Variants in ITGA5 observed in about 807,000 individuals in gnomAD.
ITGA5 encodes integrin alpha-5.
In ITGA5, 55 loss-of-function variants were observed where a neutral mutation model predicts 146.3. That is an observed-to-expected ratio of 0.38 (90% CI 0.30 to 0.47). The LOEUF (loss-of-function observed/expected upper bound fraction) is 0.47. Among genes scored for constraint, ITGA5 ranks in the 20% least tolerant of loss-of-function variants. The pLI is 0.99. For missense variants in ITGA5, 1,131 were observed against 1,329.0 expected, an observed-to-expected ratio of 0.85 and a Z score of 2.32; for synonymous variants, 500 against 531.8, an observed-to-expected ratio of 0.94 and a Z score of 0.82.
Position 54,411,824 on chromosome 12 carries a change from AC to A in ITGA5, c.349+9del. The A allele has an allele frequency of 3.4e-6, 5 of 1,473,558 alleles. No individual in the cohort carries two copies. Among genetic ancestry groups the A allele is most frequent in the Admixed American group, 2.3e-5 (1 of 43,420 alleles). The allele number at this position is 1,473,558 out of a possible 1,614,324, so 91.3% of individuals were successfully genotyped here. On this transcript the variant is annotated intron_variant, in intron 2 of 29. Transcript: ENST00000293379. The stretch of plus-strand genomic sequence containing the variant: ...ACCCCCCAGTCCCTCCCTGAATTTC[AC>A]TGGCCTACCTTTGCTGTCAAATTCA...
chr12:54,407,216 T>C (rs1330498825), intron 9 of ITGA5, among the ~76,000 whole-genome samples: 1 of 152,232 alleles, frequency 6.6e-6, no homozygotes, highest in Non-Finnish European at 1.5e-5. Context: ...TGATACCTTA[T>C]TCATCTTATC....
At position 54,403,351 on chromosome 12, in the gene ITGA5, A is replaced by T; in HGVS notation, c.1777-27T>A. 1.3e-6 allele frequency: 2 copies of T among 1,504,948 alleles called. No homozygotes were observed. The highest frequency in any genetic ancestry group is 1.8e-6 in the Non-Finnish European group (2 of 1,126,968). The allele number at this position is 1,504,948 out of a possible 1,614,324, so 93.2% of individuals were successfully genotyped here. A position where few individuals can be genotyped will look rare whatever the true frequency, so the allele number is the denominator to read the frequency against. ...TGGGGCCAGAGGAGAGAGTTCACGG[A>T]GTCAGGGGACTCTGGAGACTTAGTG... On this transcript the variant is annotated intron_variant, in intron 17 of 29. Coordinates refer to ENST00000293379, the MANE Select transcript of ITGA5 (RefSeq NM_002205.5). This position sits in a 1 kb window ranked among gnomAD's most constrained non-coding sequence, Gnocchi z 4.9.
intron 29 of ITGA5, among the ~76,000 whole-genome samples, chr12:54,397,042 T>C (rs959126316): frequency 6.6e-6 from 1 of 152,126 alleles, no homozygotes. Context: ...TCAGTAGCCA[T>C]TTCTAGGTTA....
rs557695785 is a variant in ITGA5, at chr12:54,414,777, G to A, written c.219-2813C>T. Among the ~76,000 whole-genome samples the A allele has an allele frequency of 5.0e-4, 75 of 150,812 alleles. 1 individual carries two copies. Among genetic ancestry groups the A allele is most frequent in the Non-Finnish European group, 2.4e-4 (16 of 67,892 alleles). ...CAGGAGAATGGCATGAACCTGGGAG[G>A]CGGAGCTTGCAGGGAGCCGAGATCA... On this transcript the variant is annotated intron_variant, in intron 1 of 29. Transcript: ENST00000293379.
At position 54,401,671 on chromosome 12, in the gene ITGA5, G is replaced by T; in HGVS notation, c.2307-6C>A. ...GCGAGTTGTTGAGATTCTTGCTGTG[G>T]GATGGAGGCAAGACTGAGGTGCTGG... On this transcript the variant is annotated splice_polypyrimidine_tract_variant and splice_region_variant and intron_variant, in intron 22 of 29. Transcript: ENST00000293379. The surrounding 1 kb of genome is among the most constrained non-coding windows in gnomAD (Gnocchi z 5.0). The T allele has an allele frequency of 6.2e-7, 1 of 1,614,124 alleles. No individual in the cohort carries two copies. The highest frequency in any genetic ancestry group is 1.1e-5 in the South Asian group (1 of 91,088).
At chr12:54,417,329 C>T (rs940354563) in intron 1 of ITGA5, among the ~76,000 whole-genome samples, 10 of 152,014 alleles carry the variant, frequency 6.6e-5, no homozygotes, top group Middle Eastern at 3.4e-3. Context: ...CTCTGATCTG[C>T]GGGAGGAGAC....
At position 54,400,957 on chromosome 12, in the gene ITGA5, C is replaced by A; in HGVS notation, c.2532G>T (p.Val844=). The change falls in exon 25 of 30, where the codon GTG becomes GTT. Residue 844 remains valine, a synonymous_variant. Transcript: ENST00000293379. ...NQGPSSISQG[V]LELSCPQALE... is the part of the protein sequence containing the mutation. ...GAGCCTGGGGACAGCTGAGTTCCAG[C>A]ACACCCTGGCTAATGGAGCTGGGGC... 6.2e-7 allele frequency: 1 copy of A among 1,613,934 alleles called. No homozygotes were observed. The highest frequency in any genetic ancestry group is 8.5e-7 in the Non-Finnish European group (1 of 1,179,926).
chr12:54,399,999 C>T (rs370039100), intron 25 of ITGA5, 52 bp from the exon 26 acceptor site: 352 of 1,314,022 alleles, frequency 2.7e-4, no homozygotes, highest in Middle Eastern at 1.8e-3. Context: ...GCTTCTAAGT[C>T]AGCTTGCACC....
chr12:54,402,062 G>A lies in ITGA5; in HGVS notation c.2165C>T (p.Ala722Val), dbSNP rs1172389465. 1 of 1,614,186 alleles carries A rather than the reference G, an allele frequency of 6.2e-7. No individual in the cohort carries two copies. Among genetic ancestry groups the A allele is most frequent in the Non-Finnish European group, 8.5e-7 (1 of 1,180,040 alleles). ...CACCAGCAGGCGGCTCTGGTTCACG[G>A]CAAAGTAGTCACAGCTCAGGCTGGA... ...NFSSLSCDYF[A>V]VNQSRLLVCD... The change falls in exon 21 of 30, where the codon GCC becomes GTC. Residue 722 changes from alanine (A) to valine (V), a missense_variant. By Grantham distance (64) the Ala-to-Val change is moderately conservative. Around this residue, in one of 3 missense-constraint regions of ITGA5, gnomAD observed 889 missense variants for 1,021.5 expected, o/e 0.87. Transcript: ENST00000293379.
At chr12:54,400,817 C>T (rs1955775707) in intron 25 of ITGA5, 29 bp downstream of exon 25, 1 of 1,608,594 alleles carries the variant, frequency 6.2e-7, no homozygotes, top group Non-Finnish European at 8.5e-7. Flanking sequence ...ATCTGCTCCT[C>T]TTCCCCATGC....
Position 54,403,074 on chromosome 12 carries a change from AG to A in ITGA5, c.1915-25del. On this transcript the variant is annotated intron_variant, in intron 18 of 29. Transcript: ENST00000293379. The surrounding 1 kb of genome is among the most constrained non-coding windows in gnomAD (Gnocchi z 4.9). ...GCCTGGGGAGCAGGGCAGCCTTGAG[AG>A]GGGAAGTTTAGACCCATTCCTGGGC... 6.2e-7 allele frequency: 1 copy of A among 1,613,896 alleles called. No individual in the cohort carries two copies. Among genetic ancestry groups the A allele is most frequent in the Middle Eastern group, 1.7e-4 (1 of 6,060 alleles).
rs779041108 is a variant in ITGA5, at chr12:54,405,635, T to C, written c.1016+29A>G. 4.4e-6 allele frequency: 7 copies of C among 1,592,852 alleles called. No homozygotes were observed. The Admixed American group carries it at 8.4e-5, about 19-fold the overall frequency. On this transcript the variant is annotated intron_variant, in intron 11 of 29. Coordinates refer to ENST00000293379, the MANE Select transcript of ITGA5 (RefSeq NM_002205.5). Reference sequence around the variant, plus strand: ...CTTCCCTCTTGGTTCTGGGAGGGTATCACAGTGCGCTCATTTCCCACCACT... The same window carrying C: ...CTTCCCTCTTGGTTCTGGGAGGGTACCACAGTGCGCTCATTTCCCACCACT...
Position 54,403,208 on chromosome 12 carries a change from G to A in ITGA5, c.1893C>T (p.Ser631=). ...HGLRPALHYQ[S]KSRIEDKAQI... ...TCACCTTGTCCTCTATCCGGCTCTT[G>A]CTCTGATAATGTAGGGCTGGCCTGA... Residue 631 remains serine (S), a synonymous_variant, in exon 18 of 30, where the codon AGC becomes AGT. Coordinates refer to ENST00000293379, the MANE Select transcript of ITGA5 (RefSeq NM_002205.5). The surrounding 1 kb of genome is among the most constrained non-coding windows in gnomAD (Gnocchi z 4.9). 1 of 1,561,138 alleles carries A rather than the reference G, an allele frequency of 6.4e-7. No individual in the cohort carries two copies. The highest frequency in any genetic ancestry group is 8.7e-7 in the Non-Finnish European group (1 of 1,155,060).
intron 28 of ITGA5, among the ~76,000 whole-genome samples, chr12:54,398,041 A>T (rs1473018163): frequency 3.3e-5 from 5 of 151,774 alleles, no homozygotes. Context: ...GGGACCACAG[A>T]TATGCGCCAC....
rs1359509154 is a variant in ITGA5, at chr12:54,403,396, C to T, written c.1777-72G>A. 6.8e-7 allele frequency: 1 copy of T among 1,462,724 alleles called. No homozygotes were observed. The highest frequency in any genetic ancestry group is 1.4e-5 in the African/African-American group (1 of 70,484). 90.6% of individuals were successfully genotyped at this position (1,462,724 alleles called of 1,614,324 possible). On this transcript the variant is annotated intron_variant, in intron 17 of 29. Coordinates refer to ENST00000293379, the MANE Select transcript of ITGA5 (RefSeq NM_002205.5). This position sits in a 1 kb window ranked among gnomAD's most constrained non-coding sequence, Gnocchi z 4.9. ...TTAGTGGCCCTGCTCCTCAGCCTCT[C>T]TCATCTCCCTTTGTCTGCTTAGGGC... is the stretch of plus-strand genomic sequence containing the variant.
rs748980156 is a variant in ITGA5 at position 54,401,494 on chromosome 12, G to A, written c.2388-16C>T. 5.0e-6 allele frequency: 8 copies of A among 1,610,904 alleles called. No individual in the cohort carries two copies. Among genetic ancestry groups the A allele is most frequent in the East Asian group, 2.2e-5 (1 of 44,876 alleles). On this transcript the variant is annotated splice_polypyrimidine_tract_variant and intron_variant, in intron 23 of 29. Coordinates refer to ENST00000293379, the MANE Select transcript of ITGA5 (RefSeq NM_002205.5). The surrounding 1 kb of genome is among the most constrained non-coding windows in gnomAD (Gnocchi z 5.0). ...CTTGGAGACACTAAGGAGGAGGGTGGTTTAGAGGAGGGTGGAAGGAACCCC... is the reference window on the plus strand; with the variant it reads ...CTTGGAGACACTAAGGAGGAGGGTGATTTAGAGGAGGGTGGAAGGAACCCC...
intron 19 of ITGA5, 137 bp from the exon 20 acceptor site, chr12:54,402,467 C>A (rs528963928): frequency 1.4e-6 from 1 of 715,810 alleles, no homozygotes; most frequent in Admixed American, 2.8e-5. Context: ...GAGGCTGAGG[C>A]GGGTGGATCA....
chr12:54,402,748 T>C (rs1024222147), intron 19 of ITGA5, among the ~76,000 whole-genome samples: 1 of 152,096 alleles, frequency 6.6e-6, no homozygotes, highest in Admixed American at 6.5e-5. Flanking sequence ...CACTGCTTAC[T>C]GAGTTCTAAC....
intron 2 of ITGA5, among the ~76,000 whole-genome samples, chr12:54,410,683 C>T (rs1273438304): frequency 6.6e-6 from 1 of 151,386 alleles, no homozygotes; most frequent in Non-Finnish European, 1.5e-5. Context: ...CTCAACCTCC[C>T]GAGTAGCTGG....
Sources: allele counts gnomAD v4.1 joint callset (sites outside exome capture counted in the v4.1 genomes callset), GRCh38; gene constraint gnomAD v4.1.1; regional missense constraint gnomAD v4.1.1; non-coding constraint Gnocchi (gnomAD v3.1); transcripts MANE v1.5; gene names NCBI Gene and HGNC (gene_info 2026-07-23, HGNC 2026-07-21).